INO80: variants seen among roughly 807,000 people sequenced by gnomAD.
INO80 encodes INO80 complex ATPase subunit.
INO80 carries 20 observed loss-of-function variants against 203.4 expected under a neutral mutation model. That is an observed-to-expected ratio of 0.10 (90% confidence interval 0.07 to 0.14). INO80 has a LOEUF of 0.14. Ranked by LOEUF, INO80 falls within the 10% of genes least tolerant of loss-of-function variation. INO80 has a pLI of 1.00. For synonymous variants in INO80, 726 were observed against 685.2 expected (o/e 1.06, Z -0.93); for missense variants, 1,419 against 1,914.4 (o/e 0.74, Z 4.83).
chr15:41,051,909 G>C (rs1047171005), intron 19 of INO80, among the ~76,000 whole-genome samples: 2 of 152,140 alleles, frequency 1.3e-5, no homozygotes, highest in Non-Finnish European at 2.9e-5. Flanking sequence ...AGTGAGCTGA[G>C]ATCGCGCCAC....
intron 9 of INO80, among the ~76,000 whole-genome samples, chr15:41,078,417 T>G (rs2045437427): frequency 1.3e-5 from 2 of 152,186 alleles, no homozygotes. Context: ...TCAAGATCTG[T>G]GGCTAACTCT....
In INO80 at chr15:41,053,890, C is replaced by T. The variant is rs776057443; in HGVS notation, c.2274+39G>A. ...CTCCCCCTGGAATCTTAAGTTGGTG[C>T]CTATTGAGGCTTAAACACATGAGGT... On this transcript the variant is annotated intron_variant, in intron 19 of 35. Transcript: ENST00000648947. 3.5e-6 allele frequency: 5 copies of T among 1,439,860 alleles called. No individual in the cohort carries two copies. The South Asian group carries it at 6.1e-5, about 18-fold the overall frequency. The allele number at this position is 1,439,860 out of a possible 1,614,324, so 89.2% of individuals were successfully genotyped here. A position where few individuals can be genotyped will look rare whatever the true frequency, so the allele number is the denominator to read the frequency against.
At chr15:41,061,389 G>A (rs533315181) in intron 14 of INO80, among the ~76,000 whole-genome samples, 4 of 147,314 alleles carry the variant, frequency 2.7e-5, no homozygotes, top group Non-Finnish European at 5.9e-5. Flanking sequence ...GGTGGATCAC[G>A]AGCTCAGGAG....
intron 14 of INO80, among the ~76,000 whole-genome samples, chr15:41,063,579 G>A (rs2045153382): frequency 6.6e-6 from 1 of 152,078 alleles, no homozygotes; most frequent in Non-Finnish European, 1.5e-5. Flanking sequence ...TTAGAGACCA[G>A]CCTGGCTAAC....
chr15:41,100,463 T>C (rs1408826972), intron 1 of INO80, among the ~76,000 whole-genome samples: 2 of 152,208 alleles, frequency 1.3e-5, no homozygotes, highest in African/African-American at 2.4e-5. Context: ...CACAGTTAAC[T>C]TCTAGTCTTA....
chr15:41,012,964 A>G (rs1485270626), intron 27 of INO80: 1 of 152,222 alleles, frequency 6.6e-6, no homozygotes, highest in Non-Finnish European at 1.5e-5. Flanking sequence ...GTCCAAAACT[A>G]GTATTTCTCA....
intron 6 of INO80, 124 bp downstream of exon 6, chr15:41,087,438 G>T: frequency 9.3e-7 from 1 of 1,073,640 alleles, no homozygotes. Context: ...AGAAAGGAGA[G>T]TTTTTCAGAT....
At chr15:41,021,173 A>G (rs1186258812) in intron 25 of INO80, 48 bp from the exon 26 acceptor site, 3 of 1,309,196 alleles carry the variant, frequency 2.3e-6, no homozygotes, top group Non-Finnish European at 3.3e-6. Context: ...TTGTCCATAC[A>G]CACTATGCCT....
At chr15:41,107,598 G>C (rs1330486906) in intron 1 of INO80, among the ~76,000 whole-genome samples, 2 of 151,966 alleles carry the variant, frequency 1.3e-5, no homozygotes, top group African/African-American at 4.8e-5. Flanking sequence ...TCAGGAGTTC[G>C]AGGCCAGCCT....
At position 41,071,948 on chromosome 15, in the gene INO80, G is replaced by A. The variant is rs1279692362; in HGVS notation, c.1506C>T (p.Ile502=). The stretch of plus-strand genomic sequence containing the variant: ...GCTGTGGAATATCCTCACCAGCCCG[G>A]ATAGATGGGTTAGCCAGGCTATAAC... ...GESYSLANPS[I]RAGEDIPQPT... is the part of the protein sequence containing the mutation. Residue 502 remains isoleucine (I), a synonymous_variant, in exon 12 of 36, where the codon ATC becomes ATT. Transcript: ENST00000648947. 1 of 1,613,978 alleles carries A rather than the reference G, an allele frequency of 6.2e-7. No individual in the cohort carries two copies.
Position 40,979,817 on chromosome 15 carries a change from T to TC in INO80, c.*405dup, listed in dbSNP as rs1298621436. ...TGAGAAATCACACTCTTAAGAGAAA[T>TC]CTCTACCATGGAAGGCTCTTCACAG... is the stretch of plus-strand genomic sequence containing the variant. On this transcript the variant is annotated 3_prime_UTR_variant, in exon 36 of 36. Transcript: ENST00000648947. 4 of 219,328 alleles carry TC rather than the reference T, an allele frequency of 1.8e-5. No individual in the cohort carries two copies. 13.6% of individuals were successfully genotyped at this position (219,328 alleles called of 1,614,324 possible).
chr15:40,999,030 T>G (rs1384512782), intron 28 of INO80, among the ~76,000 whole-genome samples: 2 of 113,506 alleles, frequency 1.8e-5, no homozygotes, highest in African/African-American at 7.6e-5. Context: ...AAATAAGGGC[T>G]CAGTTTGGTG....
intron 17 of INO80, 23 bp downstream of exon 17, chr15:41,056,599 C>G: frequency 6.4e-7 from 1 of 1,564,286 alleles, no homozygotes; most frequent in Non-Finnish European, 8.8e-7. Flanking sequence ...AGATATAAAC[C>G]TGTGACCTGG....
rs773974842 is a variant in INO80 at position 41,073,476 on chromosome 15, G to T, written c.1347C>A (p.Ala449=). The T allele has an allele frequency of 6.2e-7, 1 of 1,613,888 alleles. No homozygotes were observed. Among genetic ancestry groups the T allele is most frequent in the South Asian group, 1.1e-5 (1 of 91,078 alleles). The change falls in exon 11 of 36, where the codon GCC becomes GCA. Residue 449 remains alanine, a synonymous_variant. Transcript: ENST00000648947. ...CATTTTCAGCATTCTTCAGGGCCTGGGCTTTAAAATGGTTACTATCTGAAA... is the reference window on the plus strand; with the variant it reads ...CATTTTCAGCATTCTTCAGGGCCTGTGCTTTAAAATGGTTACTATCTGAAA... ...QEDYDSNHFK[A]QALKNAENAY...
In INO80 at chr15:41,044,920, C is replaced by G; in HGVS notation, c.2891G>C (p.Ser964Thr). The part of the protein sequence containing the change: ...NFPLSFPNLC[S>T]CPLLKSLVFS... ...ATTGCTTACCTTTAACAAAGGGCAG[C>G]TGCAAAGGTTTGGAAAGGAGAGTGG... Residue 964 changes from serine to threonine, a missense_variant, in exon 24 of 36, where the codon AGC (serine) becomes ACC (threonine). Physicochemically the swap from Ser to Thr is moderately conservative, Grantham distance 58. Around this residue, in one of 9 missense-constraint regions of INO80, gnomAD observed 302 missense variants for 345.4 expected, o/e 0.87. Transcript: ENST00000648947. The G allele has an allele frequency of 6.2e-7, 1 of 1,609,140 alleles. No individual in the cohort carries two copies. The highest frequency in any genetic ancestry group is 8.5e-7 in the Non-Finnish European group (1 of 1,178,628).
At chr15:41,068,808 C>T (rs1938881773) in intron 14 of INO80, among the ~76,000 whole-genome samples, 1 of 151,868 alleles carries the variant, frequency 6.6e-6, no homozygotes, top group Admixed American at 6.6e-5. Flanking sequence ...TGCAGTGAGC[C>T]GAGATTGTGC....
intron 28 of INO80, among the ~76,000 whole-genome samples, chr15:41,003,295 T>TA (rs2043988180): frequency 6.7e-6 from 1 of 149,770 alleles, no homozygotes; most frequent in Admixed American, 6.8e-5. Context: ...ACCAAAATGT[T>TA]AAAAGTAGTG....
At chr15:41,107,621 G>A (rs893004508) in intron 1 of INO80, among the ~76,000 whole-genome samples, 5 of 151,752 alleles carry the variant, frequency 3.3e-5, no homozygotes, top group Non-Finnish European at 5.9e-5. Flanking sequence ...CCAACATGGT[G>A]AAACCCTGTC....
chr15:41,033,402 T>C (rs1025103002), intron 24 of INO80, among the ~76,000 whole-genome samples: 9 of 151,192 alleles, frequency 6.0e-5, no homozygotes, highest in East Asian at 1.9e-4. Context: ...AGTGTGATCA[T>C]AGCTCACTGT....
Sources: allele counts gnomAD v4.1 joint callset (sites outside exome capture counted in the v4.1 genomes callset), GRCh38; gene constraint gnomAD v4.1.1; regional missense constraint gnomAD v4.1.1; transcripts MANE v1.5; gene names NCBI Gene and HGNC (gene_info 2026-07-23, HGNC 2026-07-21).